The following FNDC3A variants were observed in gnomAD, a reference collection of about 807,000 sequenced individuals.
FNDC3A encodes the protein fibronectin type III domain containing 3A.
A neutral mutation model predicts 148.9 loss-of-function variants in FNDC3A; 32 were observed. That is an observed-to-expected ratio of 0.21 (90% CI 0.16 to 0.29). FNDC3A has a LOEUF of 0.29. Among genes scored for constraint, FNDC3A ranks in the 10% least tolerant of loss-of-function variants. FNDC3A has a pLI of 1.00. For synonymous variants in FNDC3A, 472 were observed against 473.6 expected (o/e 1.00, Z 0.04); for missense variants, 1,191 against 1,452.8 (o/e 0.82, Z 2.93).
At chr13:48,981,797 A>G (rs1239816575) in intron 1 of FNDC3A, among the ~76,000 whole-genome samples, 1 of 150,452 alleles carries the variant, frequency 6.6e-6, no homozygotes, top group Non-Finnish European at 1.5e-5. Flanking sequence ...GGTAAATTAG[A>G]TTGTGTATGT....
At chr13:49,097,160 A>G (rs1014896868) in intron 3 of FNDC3A, among the ~76,000 whole-genome samples, 2 of 152,080 alleles carry the variant, frequency 1.3e-5, no homozygotes, top group Non-Finnish European at 2.9e-5. Flanking sequence ...GGGATAACCA[A>G]AACTATAGTA....
chr13:49,118,411 A>G (rs1450824421), intron 4 of FNDC3A, among the ~76,000 whole-genome samples: 1 of 152,164 alleles, frequency 6.6e-6, no homozygotes, highest in African/African-American at 2.4e-5. Flanking sequence ...CTGGGATTCA[A>G]GCACAAAACT....
At chr13:49,002,215 A>C (rs1952139387) in intron 1 of FNDC3A, among the ~76,000 whole-genome samples, 1 of 152,148 alleles carries the variant, frequency 6.6e-6, no homozygotes, top group South Asian at 2.1e-4. Context: ...GAAATAGCAA[A>C]AGTGAGCATC....
intron 3 of FNDC3A, among the ~76,000 whole-genome samples, chr13:49,084,421 GAT>G (rs1878673163): frequency 6.6e-6 from 1 of 152,078 alleles, no homozygotes; most frequent in African/African-American, 2.4e-5. Flanking sequence ...CATACTTGGG[GAT>G]ATTTTAGTGC....
At chr13:49,161,415 C>G (rs867669618) in intron 8 of FNDC3A, among the ~76,000 whole-genome samples, 1 of 152,118 alleles carries the variant, frequency 6.6e-6, no homozygotes, top group African/African-American at 2.4e-5. Flanking sequence ...GAGACTAGGA[C>G]TGCAACCCCT....
At chr13:49,155,579 T>A (rs2138000796) in intron 8 of FNDC3A, among the ~76,000 whole-genome samples, 1 of 139,284 alleles carries the variant, frequency 7.2e-6, no homozygotes, top group Admixed American at 7.3e-5. Context: ...ATGTGTTTGC[T>A]CTTGCTTTTC....
intron 14 of FNDC3A, 74 bp downstream of exon 14, chr13:49,178,728 CTGTT>C (rs541414029): frequency 2.2e-4 from 189 of 850,428 alleles, no homozygotes; most frequent in Admixed American, 3.2e-4. Context: ...TCTTTGTTTT[CTGTT>C]TGTTTGTTTG....
chr13:49,058,262 A>G (rs1876401468), intron 2 of FNDC3A, among the ~76,000 whole-genome samples: 1 of 152,048 alleles, frequency 6.6e-6, no homozygotes, highest in South Asian at 2.1e-4. Flanking sequence ...GAGGTATGTG[A>G]CTGGGGACTG....
At chr13:49,146,061 T>C (rs1882977191) in intron 8 of FNDC3A, 126 bp downstream of exon 8, 2 of 648,700 alleles carry the variant, frequency 3.1e-6, no homozygotes, top group Non-Finnish European at 5.2e-6. Context: ...AGTTGGCTAA[T>C]GATAGTGATT....
At chr13:49,163,690 G>A (rs1884297861) in intron 8 of FNDC3A, among the ~76,000 whole-genome samples, 2 of 152,278 alleles carry the variant, frequency 1.3e-5, no homozygotes, top group East Asian at 1.9e-4. Flanking sequence ...AGTTGGAAAT[G>A]CATAAATCAC....
At chr13:49,070,881 C>CTTTTTTTTTTTTTTTTTTTTTTTTTTT (rs758290861) in intron 2 of FNDC3A, among the ~76,000 whole-genome samples, 5 of 120,968 alleles carry the variant, frequency 4.1e-5, no homozygotes, top group Non-Finnish European at 8.5e-5. Flanking sequence ...AACAGGATTT[C>CTTTTTTTTTTTTTTTTTTTTTTTTTTT]TTTTTTTTTT....
intron 3 of FNDC3A, among the ~76,000 whole-genome samples, chr13:49,082,969 A>C (rs1393533889): frequency 6.6e-6 from 1 of 152,102 alleles, no homozygotes; most frequent in African/African-American, 2.4e-5. Context: ...CCTGGGTTGT[A>C]GGAGTCCCAG....
At chr13:49,004,641 A>G (rs973119464) in intron 1 of FNDC3A, among the ~76,000 whole-genome samples, 15 of 151,982 alleles carry the variant, frequency 9.9e-5, no homozygotes, top group African/African-American at 3.6e-4. Context: ...TTGTATTTTC[A>G]TTGTTACATT....
intron 1 of FNDC3A, among the ~76,000 whole-genome samples, chr13:49,002,454 G>A (rs142175726): frequency 6.6e-6 from 1 of 152,218 alleles, no homozygotes; most frequent in East Asian, 1.9e-4. Context: ...AATAATTTTT[G>A]AAGGATAATA....
At chr13:49,112,147 A>C (rs1880618682) in intron 3 of FNDC3A, among the ~76,000 whole-genome samples, 1 of 152,202 alleles carries the variant, frequency 6.6e-6, no homozygotes, top group Non-Finnish European at 1.5e-5. Context: ...GTAAGGATTA[A>C]ATTTGACAGC....
At chr13:49,015,603 C>T (rs1273918520) in intron 2 of FNDC3A, among the ~76,000 whole-genome samples, 1 of 152,118 alleles carries the variant, frequency 6.6e-6, no homozygotes. Flanking sequence ...CCTTCTCCTG[C>T]CTAATTGCCC....
intron 1 of FNDC3A, among the ~76,000 whole-genome samples, chr13:48,978,304 GA>G (rs993823335): frequency 6.6e-6 from 1 of 151,790 alleles, no homozygotes; most frequent in African/African-American, 2.4e-5. Context: ...TTAACCCCCC[GA>G]AAAAAAGAGG....
intron 11 of FNDC3A, 108 bp downstream of exon 11, chr13:49,172,204 A>C: frequency 1.5e-6 from 1 of 651,026 alleles, no homozygotes; most frequent in South Asian, 2.4e-5. Flanking sequence ...TGTCAAAAAA[A>C]GTATGAATGA....
At chr13:49,095,901 A>G (rs949609258) in intron 3 of FNDC3A, among the ~76,000 whole-genome samples, 1 of 152,080 alleles carries the variant, frequency 6.6e-6, no homozygotes, top group African/African-American at 2.4e-5. Flanking sequence ...CCATCTGCAG[A>G]AAATGTTCTA....
Sources: allele counts gnomAD v4.1 joint callset (sites outside exome capture counted in the v4.1 genomes callset), GRCh38; gene constraint gnomAD v4.1.1; transcripts MANE v1.5; gene names NCBI Gene and HGNC (gene_info 2026-07-23, HGNC 2026-07-21).